EIF3D: variants seen among roughly 807,000 people sequenced by gnomAD.
EIF3D encodes the protein eIF3 p66.
A neutral mutation model predicts 75.4 loss-of-function variants in EIF3D; 10 were observed. That is an observed-to-expected ratio of 0.13 (90% CI 0.08 to 0.22). The LOEUF (loss-of-function observed/expected upper bound fraction) is 0.22. Among genes scored for constraint, EIF3D ranks in the 10% least tolerant of loss-of-function variants. The pLI is 1.00. For missense variants in EIF3D, 394 were observed against 708.0 expected, an observed-to-expected ratio of 0.56 and a Z score of 5.03; for synonymous variants, 246 against 248.3, an observed-to-expected ratio of 0.99 and a Z score of 0.09.
intron 4 of EIF3D, among the ~76,000 whole-genome samples, 163 bp downstream of exon 4, chr22:36,524,433 G>C (rs1470272115): frequency 6.6e-6 from 1 of 152,190 alleles, no homozygotes; most frequent in Non-Finnish European, 1.5e-5. Context: ...CCTAGTGCAA[G>C]TTCACCTTGG....
At chr22:36,524,042 A>G (rs2145877535) in intron 4 of EIF3D, 62 bp from the exon 5 acceptor site, 5 of 1,532,982 alleles carry the variant, frequency 3.3e-6, no homozygotes, top group Non-Finnish European at 4.5e-6. Context: ...AATAGGCAGA[A>G]CAAGTGGGAG....
At chr22:36,512,628 C>G in intron 12 of EIF3D, 26 bp from the exon 13 acceptor site, 1 of 1,599,086 alleles carries the variant, frequency 6.3e-7, no homozygotes, top group Non-Finnish European at 8.6e-7. Flanking sequence ...GTTAGAGAAA[C>G]AGAAGCAAGC....
chr22:36,510,900 G>T lies in EIF3D; in HGVS notation c.*87C>A. The T allele has an allele frequency of 6.9e-7, 1 of 1,445,194 alleles. No individual in the cohort carries two copies. The highest frequency in any genetic ancestry group is 1.4e-5 in the South Asian group (1 of 72,870). 89.5% of individuals were successfully genotyped at this position (1,445,194 alleles called of 1,614,324 possible). ...ATTTTATTTCATCTGCTAAATGTCA[G>T]AGAGCAAGTTAGACACACATTCCAC... On this transcript the variant is annotated 3_prime_UTR_variant, in exon 15 of 15. Transcript: ENST00000216190.
In EIF3D at chr22:36,511,671, C is replaced by T; in HGVS notation, c.1465G>A (p.Gly489Ser). 1 of 1,614,062 alleles carries T rather than the reference C, an allele frequency of 6.2e-7. No homozygotes were observed. The highest frequency in any genetic ancestry group is 8.5e-7 in the Non-Finnish European group (1 of 1,180,008). The change falls in exon 14 of 15, where the codon GGC (glycine) becomes AGC (serine). Residue 489 changes from glycine to serine, a missense_variant. By Grantham distance (56) the Gly-to-Ser change is moderately conservative. Transcript: ENST00000216190. Reference sequence around the variant, plus strand: ...ATGTCAATGACGCAGCGTAAAATGCCCCAGGCATTCTCCACGCTCAGGTTG... The same window carrying T: ...ATGTCAATGACGCAGCGTAAAATGCTCCAGGCATTCTCCACGCTCAGGTTG... ...QINLSVENAW[G>S]ILRCVIDICM...
At chr22:36,519,174 C>T (rs771933244) in intron 8 of EIF3D, among the ~76,000 whole-genome samples, 16 of 152,260 alleles carry the variant, frequency 1.1e-4, no homozygotes, top group Non-Finnish European at 2.1e-4. Context: ...GTACATCTAC[C>T]CCTTGTTGCA....
chr22:36,516,433 T>C lies in EIF3D; in HGVS notation c.1206+45A>G, dbSNP rs373088788. 17 of 1,601,486 alleles carry C rather than the reference T, an allele frequency of 1.1e-5. No homozygotes were observed. The East Asian group carries it at 2.2e-4, about 21-fold the overall frequency. Reference sequence around the variant, plus strand: ...CTGCGTAAACAGGCACTGTAGGGAATAGAGACATGGTGTCACCAGGAGGGT... The same window carrying C: ...CTGCGTAAACAGGCACTGTAGGGAACAGAGACATGGTGTCACCAGGAGGGT... On this transcript the variant is annotated intron_variant, in intron 12 of 14. Transcript: ENST00000216190.
At chr22:36,512,746 A>G in intron 12 of EIF3D, 144 bp from the exon 13 acceptor site, 2 of 915,840 alleles carry the variant, frequency 2.2e-6, no homozygotes, top group Non-Finnish European at 1.6e-6. Flanking sequence ...TTAAGAGACA[A>G]AGACATAGTC....
At position 36,529,094 on chromosome 22, in the gene EIF3D, G is replaced by T; in HGVS notation, c.-29C>A. On this transcript the variant is annotated 5_prime_UTR_variant, in exon 1 of 15. Transcript: ENST00000216190. ...CGCTCACCTGCAATGGCCTCGGCCG[G>T]CCGGGATGGCAACAGATGGTGCGTG... 1 of 393,262 alleles carries T rather than the reference G, an allele frequency of 2.5e-6. No homozygotes were observed. Among genetic ancestry groups the T allele is most frequent in the Non-Finnish European group, 4.5e-6 (1 of 222,972 alleles). 24.4% of individuals were successfully genotyped at this position (393,262 alleles called of 1,614,324 possible).
chr22:36,524,807 C>A (rs542804125), intron 3 of EIF3D, 75 bp from the exon 4 acceptor site: 20 of 1,594,596 alleles, frequency 1.3e-5, no homozygotes, highest in Non-Finnish European at 1.5e-5. Flanking sequence ...TAAAGCCTTG[C>A]TATTTCAAGT....
chr22:36,511,245 T>C (rs1357298964), intron 14 of EIF3D: 1 of 822,168 alleles, frequency 1.2e-6, no homozygotes, highest in Non-Finnish European at 1.8e-6. Context: ...CCGGCTTCAA[T>C]CTGGGACTTC....
At chr22:36,516,295 G>T in intron 12 of EIF3D, 183 bp downstream of exon 12, 2 of 664,472 alleles carry the variant, frequency 3.0e-6, no homozygotes, top group East Asian at 2.7e-5. Context: ...ACACAGTCAT[G>T]CTCTTTCTCA....
intron 12 of EIF3D, among the ~76,000 whole-genome samples, chr22:36,514,999 T>C (rs1018086020): frequency 1.3e-5 from 2 of 152,216 alleles, no homozygotes; most frequent in Non-Finnish European, 2.9e-5. Flanking sequence ...CTCTTTCTCC[T>C]GCTCTGGCCA....
intron 12 of EIF3D, among the ~76,000 whole-genome samples, chr22:36,513,571 G>A (rs1427334679): frequency 6.6e-6 from 1 of 152,150 alleles, no homozygotes; most frequent in Non-Finnish European, 1.5e-5. Flanking sequence ...CCAAAGTGCT[G>A]GGATTACAGG....
intron 1 of EIF3D, among the ~76,000 whole-genome samples, chr22:36,526,647 A>G (rs1196941919): frequency 1.3e-5 from 2 of 148,462 alleles, no homozygotes; most frequent in Admixed American, 6.7e-5. Flanking sequence ...TCACTTTGTC[A>G]CCCATGCTGG....
Position 36,516,540 on chromosome 22 carries a change from T to C in EIF3D, c.1144A>G (p.Thr382Ala). 2 of 1,614,158 alleles carry C rather than the reference T, an allele frequency of 1.2e-6. No homozygotes were observed. The highest frequency in any genetic ancestry group is 2.2e-5 in the South Asian group (2 of 91,082). Residue 382 changes from threonine (T) to alanine (A), a missense_variant, in exon 12 of 15, where the codon ACT becomes GCT. Physicochemically the swap from Thr to Ala is moderately conservative, Grantham distance 58. Coordinates refer to ENST00000216190, the MANE Select transcript of EIF3D (RefSeq NM_003753.4). ...IVRCEHDGVM[T>A]GANGEVSFIN... is the part of the protein sequence containing the mutation. Reference sequence around the variant, plus strand: ...AAGGACACTTCCCCGTTGGCTCCAGTCATGACGCCATCGTGCTCACAACGG... The same window carrying C: ...AAGGACACTTCCCCGTTGGCTCCAGCCATGACGCCATCGTGCTCACAACGG...
intron 12 of EIF3D, 178 bp downstream of exon 12, chr22:36,516,300 T>G (rs1934425501): frequency 4.3e-6 from 3 of 691,554 alleles, no homozygotes. Context: ...GTCATGCTCT[T>G]TCTCAGCAAG....
intron 9 of EIF3D, 39 bp downstream of exon 9, chr22:36,518,724 C>T: frequency 1.2e-6 from 2 of 1,610,434 alleles, no homozygotes; most frequent in Non-Finnish European, 1.7e-6. Context: ...AACAAAAATA[C>T]TCAATGCCTT....
At chr22:36,515,503 G>A (rs145888087) in intron 12 of EIF3D, among the ~76,000 whole-genome samples, 4 of 152,158 alleles carry the variant, frequency 2.6e-5, no homozygotes, top group Non-Finnish European at 5.9e-5. Flanking sequence ...ACTCCAGCCT[G>A]GGCAACAAGA....
At position 36,518,838 on chromosome 22, in the gene EIF3D, C is replaced by A. The variant is rs1934467792; in HGVS notation, c.784G>T (p.Val262Leu). The part of the protein sequence containing the change: ...LATLMSCTRS[V>L]YSWDIVVQRV... Reference sequence around the variant, plus strand: ...TGGACGACAATATCCCAGGAATACACTGAGCGGGTACAGCTCATCAGCGTG... The same window carrying A: ...TGGACGACAATATCCCAGGAATACAATGAGCGGGTACAGCTCATCAGCGTG... Residue 262 changes from valine (V) to leucine (L), a missense_variant, in exon 9 of 15, where the codon GTG (valine) becomes TTG (leucine). Transcript: ENST00000216190. The A allele has an allele frequency of 6.2e-7, 1 of 1,614,230 alleles. No homozygotes were observed. The highest frequency in any genetic ancestry group is 1.3e-5 in the African/African-American group (1 of 75,062).
Sources: allele counts gnomAD v4.1 joint callset (sites outside exome capture counted in the v4.1 genomes callset), GRCh38; gene constraint gnomAD v4.1.1; transcripts MANE v1.5; gene names NCBI Gene and HGNC (gene_info 2026-07-23, HGNC 2026-07-21).